SLC39A11: variants seen among roughly 807,000 people sequenced by gnomAD.
The protein encoded by SLC39A11 is solute carrier family 39 member 11, also known as zinc transporter ZIP11.
SLC39A11 carries 33 observed loss-of-function variants against 36.1 expected under a neutral mutation model. The observed-to-expected ratio is 0.91, with a 90% CI of 0.69 to 1.22. The LOEUF (loss-of-function observed/expected upper bound fraction) is 1.22, where lower values mean the gene tolerates loss of function less well. SLC39A11 is among the 50% of genes most tolerant of loss of function. The probability of loss-of-function intolerance (pLI) is 0.00; values close to 1 mark genes in which losing one functional copy is unlikely to be tolerated. For synonymous variants in SLC39A11, 166 were observed against 170.3 expected (o/e 0.97, Z 0.20); for missense variants, 432 against 430.3 (o/e 1.00, Z -0.03).
chr17:72,903,195 G>A (rs1345591365), intron 5 of SLC39A11, among the ~76,000 whole-genome samples: 1 of 151,458 alleles, frequency 6.6e-6, no homozygotes, highest in Non-Finnish European at 1.5e-5. Flanking sequence ...GAACCTGGGA[G>A]GCAGAGGATG....
chr17:72,721,053 T>C (rs1302078033), intron 7 of SLC39A11, among the ~76,000 whole-genome samples: 2 of 150,026 alleles, frequency 1.3e-5, no homozygotes, highest in Admixed American at 1.3e-4. Flanking sequence ...GGCCAGAGAC[T>C]AGACTAGGCA....
intron 7 of SLC39A11, among the ~76,000 whole-genome samples, chr17:72,724,557 C>G (rs150855137): frequency 2.6e-4 from 40 of 152,248 alleles, no homozygotes; most frequent in Non-Finnish European, 5.1e-4. Context: ...TGACCAGCTA[C>G]AGACAGATCA....
intron 4 of SLC39A11, among the ~76,000 whole-genome samples, chr17:72,979,401 A>G (rs2088122554): frequency 6.6e-6 from 1 of 152,168 alleles, no homozygotes; most frequent in South Asian, 2.1e-4. Flanking sequence ...TTCTCACTCC[A>G]GTTATGCTGA....
At chr17:73,035,479 C>T (rs1458980162) in intron 3 of SLC39A11, among the ~76,000 whole-genome samples, 1 of 152,190 alleles carries the variant, frequency 6.6e-6, no homozygotes, top group African/African-American at 2.4e-5. Context: ...GAAAAGACGA[C>T]TGTATCCTAA....
At chr17:73,069,212 A>G (rs1467929604) in intron 3 of SLC39A11, among the ~76,000 whole-genome samples, 1 of 152,160 alleles carries the variant, frequency 6.6e-6, no homozygotes, top group African/African-American at 2.4e-5. Context: ...CTAATTCCCC[A>G]ACTAGAAGTA....
rs186900817 is a variant in SLC39A11 at position 72,771,262 on chromosome 17, A to C, written c.602-34543T>G. On this transcript the variant is annotated intron_variant, in intron 6 of 9. Coordinates refer to ENST00000255559, the MANE Select transcript of SLC39A11 (RefSeq NM_139177.4). Reference sequence around the variant, plus strand: ...AGCTGGGAGTGGCGGCGATGCCTGTAATCCCAGCTACTTGGGTGGCTGAGG... The same window carrying C: ...AGCTGGGAGTGGCGGCGATGCCTGTCATCCCAGCTACTTGGGTGGCTGAGG... Among the ~76,000 whole-genome samples the C allele has an allele frequency of 2.1e-3, 314 of 151,770 alleles. 2 individuals carry two copies. The highest frequency in any genetic ancestry group is 6.0e-3 in the Admixed American group (91 of 15,214).
At chr17:72,954,614 T>C (rs951832579) in intron 4 of SLC39A11, among the ~76,000 whole-genome samples, 1 of 152,278 alleles carries the variant, frequency 6.6e-6, no homozygotes, top group Admixed American at 6.5e-5. Flanking sequence ...TAATTGATGC[T>C]GTTTTTATTA....
chr17:73,058,806 G>A (rs1023442439), intron 3 of SLC39A11, among the ~76,000 whole-genome samples: 18 of 152,188 alleles, frequency 1.2e-4, no homozygotes, highest in Non-Finnish European at 2.2e-4. Flanking sequence ...AGATGAAAGA[G>A]AACTCAGGAG....
chr17:72,746,701 G>A (rs1197831619), intron 6 of SLC39A11, among the ~76,000 whole-genome samples: 2 of 152,212 alleles, frequency 1.3e-5, no homozygotes, highest in East Asian at 3.9e-4. Flanking sequence ...TCACACCACT[G>A]CACTCCAGCC....
At chr17:72,773,283 G>T (rs1264322335) in intron 6 of SLC39A11, among the ~76,000 whole-genome samples, 2 of 152,084 alleles carry the variant, frequency 1.3e-5, no homozygotes, top group Non-Finnish European at 2.9e-5. Context: ...TGGTTTGGCT[G>T]TGTCCCCACC....
chr17:72,727,779 C>T (rs2143739485), intron 7 of SLC39A11, among the ~76,000 whole-genome samples: 1 of 152,110 alleles, frequency 6.6e-6, no homozygotes. Context: ...TTGGTGCAAG[C>T]TGACCTGGCC....
At chr17:72,706,057 G>T (rs970750873) in intron 7 of SLC39A11, among the ~76,000 whole-genome samples, 3 of 152,148 alleles carry the variant, frequency 2.0e-5, no homozygotes, top group Non-Finnish European at 4.4e-5. Flanking sequence ...AAGTGTGAGG[G>T]ACCAACTGGC....
chr17:72,958,601 A>T (rs2086394345), intron 4 of SLC39A11, among the ~76,000 whole-genome samples: 1 of 152,248 alleles, frequency 6.6e-6, no homozygotes, highest in African/African-American at 2.4e-5. Context: ...CTGTAATCCC[A>T]GCACTTTGCG....
At chr17:72,654,912 G>T (rs995598607) in intron 7 of SLC39A11, among the ~76,000 whole-genome samples, 1 of 152,186 alleles carries the variant, frequency 6.6e-6, no homozygotes, top group Non-Finnish European at 1.5e-5. Flanking sequence ...GGCTGTGGGA[G>T]CCTCCTCCAC....
At chr17:72,839,075 C>T (rs931169978) in intron 6 of SLC39A11, 1 of 152,200 alleles carries the variant, frequency 6.6e-6, no homozygotes, top group African/African-American at 2.4e-5. Flanking sequence ...TCTTTAGAGG[C>T]TCAAACACAG....
At chr17:72,756,490 C>T (rs2075366957) in intron 6 of SLC39A11, among the ~76,000 whole-genome samples, 1 of 152,242 alleles carries the variant, frequency 6.6e-6, no homozygotes, top group South Asian at 2.1e-4. Context: ...TATAACATGG[C>T]TGCACCTTGA....
chr17:72,666,747 A>G (rs978742471), intron 7 of SLC39A11, among the ~76,000 whole-genome samples: 1 of 152,182 alleles, frequency 6.6e-6, no homozygotes, highest in East Asian at 1.9e-4. Flanking sequence ...GCTCGTGAGA[A>G]ATCCTTGGCT....
At chr17:72,723,111 C>T (rs2073769975) in intron 7 of SLC39A11, among the ~76,000 whole-genome samples, 2 of 152,182 alleles carry the variant, frequency 1.3e-5, no homozygotes, top group Admixed American at 1.3e-4. Context: ...AGTCTCATAG[C>T]CATGGATACA....
At chr17:73,083,501 C>T (rs146814764) in intron 3 of SLC39A11, among the ~76,000 whole-genome samples, 190 of 152,256 alleles carry the variant, frequency 1.2e-3, no homozygotes, top group Middle Eastern at 3.4e-3. Context: ...ACATATTACA[C>T]GCCTTTTGAT....
Sources: gnomAD v4.1 joint callset for allele counts (sites outside exome capture counted in the v4.1 genomes callset) on GRCh38, gnomAD v4.1.1 for gene constraint, MANE v1.5 for transcripts, NCBI Gene and HGNC (gene_info 2026-07-23, HGNC 2026-07-21) for gene names.